The following SLC7A11 variants were observed in gnomAD, a reference collection of about 807,000 sequenced individuals.
SLC7A11 encodes cystine/glutamate transporter.
Under a neutral mutation model 54.5 loss-of-function variants are expected in SLC7A11, and 35 were observed. That is an observed-to-expected ratio of 0.64 (90% CI 0.49 to 0.85). The LOEUF (loss-of-function observed/expected upper bound fraction) is 0.85, where lower values mean the gene tolerates loss of function less well. SLC7A11 is among the 40% of genes least tolerant of loss of function. The pLI is 0.00. For synonymous variants in SLC7A11, 230 were observed against 225.2 expected, an observed-to-expected ratio of 1.02 and a Z score of -0.19; for missense variants, 583 against 618.1, an observed-to-expected ratio of 0.94 and a Z score of 0.60.
chr4:138,217,914 G>A (rs1394035995), intron 5 of SLC7A11, among the ~76,000 whole-genome samples: 2 of 152,140 alleles, frequency 1.3e-5, no homozygotes, highest in Admixed American at 1.3e-4. Context: ...TCAGACAAAA[G>A]CAAAAAGACT....
At chr4:138,182,504 T>C in intron 8 of SLC7A11, 111 bp from the exon 9 acceptor site, 1 of 657,932 alleles carries the variant, frequency 1.5e-6, no homozygotes, top group Non-Finnish European at 2.8e-6. Context: ...TGGTCAGGTA[T>C]TCCTTAGGTG....
chr4:138,212,619 GAGA>G (rs1157846932), intron 6 of SLC7A11, among the ~76,000 whole-genome samples: 2 of 151,632 alleles, frequency 1.3e-5, no homozygotes, highest in South Asian at 2.1e-4. Context: ...AATTTAAGAA[GAGA>G]AGGAGACAAT....
intron 1 of SLC7A11, among the ~76,000 whole-genome samples, chr4:138,237,650 G>T (rs1447819549): frequency 4.7e-5 from 6 of 128,468 alleles, no homozygotes; most frequent in Non-Finnish European, 1.6e-5. Context: ...CATCCACCTC[G>T]GCCTCCCAAA....
intron 6 of SLC7A11, among the ~76,000 whole-genome samples, chr4:138,194,644 T>C (rs1388535951): frequency 6.6e-6 from 1 of 152,158 alleles, no homozygotes; most frequent in East Asian, 1.9e-4. Flanking sequence ...CAAATGTAAA[T>C]TGTCTTTTGG....
intron 3 of SLC7A11, among the ~76,000 whole-genome samples, chr4:138,229,362 C>A (rs541945719): frequency 6.6e-6 from 1 of 152,134 alleles, no homozygotes; most frequent in East Asian, 1.9e-4. Flanking sequence ...TTTGACTTTC[C>A]CAATTAGGGC....
intron 6 of SLC7A11, among the ~76,000 whole-genome samples, chr4:138,188,086 T>TA (rs1481972388): frequency 3.3e-5 from 5 of 152,132 alleles, no homozygotes; most frequent in African/African-American, 9.7e-5. Context: ...TTTTTTAAGA[T>TA]AGAGTCTCAC....
intron 6 of SLC7A11, among the ~76,000 whole-genome samples, chr4:138,186,367 C>A (rs2148416115): frequency 6.6e-6 from 1 of 152,224 alleles, no homozygotes; most frequent in South Asian, 2.1e-4. Flanking sequence ...AAAGGCACAG[C>A]CTGCCTCACT....
intron 2 of SLC7A11, among the ~76,000 whole-genome samples, chr4:138,235,587 C>T (rs1738189745): frequency 6.6e-6 from 1 of 152,106 alleles, no homozygotes; most frequent in African/African-American, 2.4e-5. Flanking sequence ...TCAGACTGTG[C>T]ACATCACATT....
At chr4:138,181,697 G>A (rs901280358) in intron 9 of SLC7A11, among the ~76,000 whole-genome samples, 1 of 152,022 alleles carries the variant, frequency 6.6e-6, no homozygotes, top group Non-Finnish European at 1.5e-5. Context: ...GGGTATTTGA[G>A]GACTTTTACA....
At chr4:138,213,934 T>G (rs1737618471) in intron 6 of SLC7A11, among the ~76,000 whole-genome samples, 1 of 152,150 alleles carries the variant, frequency 6.6e-6, no homozygotes, top group African/African-American at 2.4e-5. Context: ...CATGAATTAT[T>G]TTTTCCTGTA....
intron 4 of SLC7A11, among the ~76,000 whole-genome samples, chr4:138,222,612 G>C (rs1283670203): frequency 6.6e-6 from 1 of 152,114 alleles, no homozygotes; most frequent in Non-Finnish European, 1.5e-5. Flanking sequence ...TATAAAGCAA[G>C]TAATCGCAGA....
intron 6 of SLC7A11, among the ~76,000 whole-genome samples, chr4:138,210,675 C>T (rs1737525170): frequency 6.6e-6 from 1 of 151,970 alleles, no homozygotes; most frequent in Admixed American, 6.6e-5. Flanking sequence ...CAGAAAAATG[C>T]AAATCAAAAC....
intron 3 of SLC7A11, among the ~76,000 whole-genome samples, chr4:138,224,516 C>G (rs1308556455): frequency 1.3e-5 from 2 of 152,080 alleles, no homozygotes; most frequent in Non-Finnish European, 2.9e-5. Context: ...GAGTCCGCCT[C>G]ACAGTTTTCA....
Position 138,165,461 on chromosome 4 carries a change from A to G in SLC7A11, c.*6495T>C, listed in dbSNP as rs1373819839. The stretch of plus-strand genomic sequence containing the variant: ...CAGGTAGCCAACATTTAGTATCAGT[A>G]AAAAACAACTACGTTTGTTCACCTG... On this transcript the variant is annotated 3_prime_UTR_variant, in exon 12 of 12. Transcript: ENST00000280612. 1 of 152,608 alleles carries G rather than the reference A, an allele frequency of 6.6e-6. No homozygotes were observed. Among genetic ancestry groups the G allele is most frequent in the Non-Finnish European group, 1.5e-5 (1 of 68,022 alleles). The allele number at this position is 152,608 out of a possible 1,614,324, so 9.5% of individuals were successfully genotyped here. A position where few individuals can be genotyped will look rare whatever the true frequency, so the allele number is the denominator to read the frequency against.
intron 8 of SLC7A11, 44 bp from the exon 9 acceptor site, chr4:138,182,437 C>T (rs920308287): frequency 3.3e-6 from 4 of 1,229,412 alleles, no homozygotes; most frequent in African/African-American, 1.5e-5. Context: ...TATGATTGAT[C>T]ATTTCAAAGG....
intron 3 of SLC7A11, among the ~76,000 whole-genome samples, chr4:138,228,586 G>A (rs1254955276): frequency 2.6e-5 from 4 of 151,506 alleles, no homozygotes; most frequent in African/African-American, 7.3e-5. Context: ...GTGAAACTCC[G>A]TCTCTACTAA....
At chr4:138,189,007 A>G (rs1404126102) in intron 6 of SLC7A11, among the ~76,000 whole-genome samples, 2 of 152,184 alleles carry the variant, frequency 1.3e-5, no homozygotes, top group Non-Finnish European at 2.9e-5. Context: ...TATTAGTTGT[A>G]AATGGTCTTC....
At chr4:138,207,070 G>A (rs945602832) in intron 6 of SLC7A11, among the ~76,000 whole-genome samples, 3 of 148,906 alleles carry the variant, frequency 2.0e-5, no homozygotes, top group Non-Finnish European at 4.4e-5. Context: ...GAAAAGCAGT[G>A]TCACATTTTA....
intron 6 of SLC7A11, among the ~76,000 whole-genome samples, chr4:138,195,493 G>A (rs1048600257): frequency 7.9e-5 from 12 of 151,908 alleles, no homozygotes; most frequent in African/African-American, 2.7e-4. Context: ...ATCCTCTCAC[G>A]GAATCTAAAA....
Sources: gnomAD v4.1 joint callset for allele counts (sites outside exome capture counted in the v4.1 genomes callset) on GRCh38, gnomAD v4.1.1 for gene constraint, MANE v1.5 for transcripts, NCBI Gene and HGNC (gene_info 2026-07-23, HGNC 2026-07-21) for gene names.